CHUK: variants seen among roughly 807,000 people sequenced by gnomAD.
CHUK encodes inhibitor of nuclear factor kappa-B kinase subunit alpha.
Under a neutral mutation model 104.8 loss-of-function variants are expected in CHUK, and 35 were observed. The observed-to-expected ratio is 0.33, with a 90% CI of 0.26 to 0.44. The LOEUF (loss-of-function observed/expected upper bound fraction) is 0.44. Among genes scored for constraint, CHUK ranks in the 20% least tolerant of loss-of-function variants. The pLI, the probability that CHUK is intolerant of heterozygous loss-of-function variation, is 1.00. For synonymous variants in CHUK, 276 were observed against 291.9 expected (o/e 0.95, Z 0.56); for missense variants, 663 against 902.7 (o/e 0.73, Z 3.40).
chr10:100,209,123 CAGATTAAA>C (rs1845661267), intron 10 of CHUK, among the ~76,000 whole-genome samples: 1 of 152,204 alleles, frequency 6.6e-6, no homozygotes, highest in African/African-American at 2.4e-5. Context: ...ACCTCAGCTA[CAGATTAAA>C]AGAAGTTAAT....
chr10:100,196,396 T>TA (rs1356163501), intron 16 of CHUK, among the ~76,000 whole-genome samples: 5 of 151,380 alleles, frequency 3.3e-5, no homozygotes, highest in South Asian at 2.1e-4. Flanking sequence ...TTTTTTTTTT[T>TA]TTTTTTTTTA....
intron 16 of CHUK, among the ~76,000 whole-genome samples, chr10:100,198,262 T>C (rs1032856653): frequency 1.3e-5 from 2 of 152,214 alleles, no homozygotes; most frequent in East Asian, 3.8e-4. Flanking sequence ...GAAGTGGTTT[T>C]CCTTAAGACA....
chr10:100,193,611 T>G lies in CHUK; in HGVS notation c.1975-180A>C, dbSNP rs1269090912. 4 of 733,056 alleles carry G rather than the reference T, an allele frequency of 5.5e-6. No individual in the cohort carries two copies. In the Admixed American group the frequency reaches 9.4e-5, roughly 17 times the overall value. 45.4% of individuals were successfully genotyped at this position (733,056 alleles called of 1,614,324 possible). ...CATTAGTAACCTGTCCTTGGACCCTTTCTTCATTGACTAAAACCAAATATA... is the reference window on the plus strand; with the variant it reads ...CATTAGTAACCTGTCCTTGGACCCTGTCTTCATTGACTAAAACCAAATATA... On this transcript the variant is annotated intron_variant, in intron 18 of 20. Transcript: ENST00000370397.
In CHUK at chr10:100,210,323, G is replaced by A. The variant is rs1823625; in HGVS notation, c.934-534C>T. ...GGGATGGTCTCGATCTCCTGACCTC[G>A]TGATCCGCCCGCCTCGGCCTCCCAA... On this transcript the variant is annotated intron_variant, in intron 9 of 20. Transcript: ENST00000370397. Among the ~76,000 whole-genome samples, 737 of 151,872 alleles carry A rather than the reference G, an allele frequency of 4.9e-3. 5 individuals carry two copies. The highest frequency in any genetic ancestry group is 0.02 in the South Asian group (97 of 4,818).
At position 100,190,982 on chromosome 10, in the gene CHUK, G is replaced by A. The variant is rs779180293; in HGVS notation, c.2109-14C>T. 1.6e-5 allele frequency: 24 copies of A among 1,486,606 alleles called. No individual in the cohort carries two copies. The highest frequency in any genetic ancestry group is 3.5e-4 in the Middle Eastern group (2 of 5,790). The allele number at this position is 1,486,606 out of a possible 1,614,324, so 92.1% of individuals were successfully genotyped here. ...GCTGAAGTCTCCCTGTGAGATGAAA[G>A]AACAAAGCCTTTTCAAACTCAGGAA... On this transcript the variant is annotated splice_polypyrimidine_tract_variant and intron_variant, in intron 19 of 20. Coordinates refer to ENST00000370397, the MANE Select transcript of CHUK (RefSeq NM_001278.5).
intron 16 of CHUK, among the ~76,000 whole-genome samples, chr10:100,197,020 A>G (rs1845348900): frequency 6.6e-6 from 1 of 152,162 alleles, no homozygotes; most frequent in South Asian, 2.1e-4. Flanking sequence ...CCCTGAGCAT[A>G]TGTTCTGAGA....
chr10:100,199,820 T>TTA, intron 16 of CHUK, 151 bp downstream of exon 16: 2 of 682,660 alleles, frequency 2.9e-6, no homozygotes. Flanking sequence ...TTAAAGCTTA[T>TTA]TATACCATGT....
intron 2 of CHUK, among the ~76,000 whole-genome samples, chr10:100,223,580 C>A (rs1846037752): frequency 6.6e-6 from 1 of 151,312 alleles, no homozygotes; most frequent in Non-Finnish European, 1.5e-5. Flanking sequence ...CAAGTCAAGC[C>A]TGGGTAACAT....
chr10:100,226,101 CA>C (rs1292460886), intron 1 of CHUK, 84 bp from the exon 2 acceptor site: 1 of 829,572 alleles, frequency 1.2e-6, no homozygotes, highest in African/African-American at 1.7e-5. Context: ...CTTAAGACAA[CA>C]AAACTTTTTA....
At chr10:100,224,373 A>C (rs1846058129) in intron 2 of CHUK, among the ~76,000 whole-genome samples, 1 of 152,170 alleles carries the variant, frequency 6.6e-6, no homozygotes, top group Non-Finnish European at 1.5e-5. Context: ...CCAAATTCCT[A>C]AGTCACAGAA....
chr10:100,186,348 T>C (rs1844993306), downstream of CHUK: 1 of 283,804 alleles, frequency 3.5e-6, no homozygotes, highest in African/African-American at 2.2e-5. Flanking sequence ...ATTTGTCCTT[T>C]TGCAGTGTAT....
chr10:100,211,809 T>C (rs1845734870), intron 9 of CHUK, among the ~76,000 whole-genome samples: 1 of 152,210 alleles, frequency 6.6e-6, no homozygotes, highest in South Asian at 2.1e-4. Flanking sequence ...TGCAAATATC[T>C]CTTCACAAGC....
Position 100,207,324 on chromosome 10 carries a change from A to G in CHUK, c.1137T>C (p.Cys379=). 2 of 1,454,944 alleles carry G rather than the reference A, an allele frequency of 1.4e-6. No individual in the cohort carries two copies. Among genetic ancestry groups the G allele is most frequent in the South Asian group, 2.3e-5 (2 of 87,830 alleles). The allele number at this position is 1,454,944 out of a possible 1,614,324, so 90.1% of individuals were successfully genotyped here. A position where few individuals can be genotyped will look rare whatever the true frequency, so the allele number is the denominator to read the frequency against. The change falls in exon 11 of 21, where the codon TGT becomes TGC. Residue 379 remains cysteine, a synonymous_variant. Transcript: ENST00000370397. ...SQCVLDGVRG[C]DSYMVYLFDK... Reference sequence around the variant, plus strand: ...CAAACAAATAAACCATATAGCTATCACAGCCTCTCTGAAAAAGAAACAAAC... The same window carrying G: ...CAAACAAATAAACCATATAGCTATCGCAGCCTCTCTGAAAAAGAAACAAAC...
intron 1 of CHUK, among the ~76,000 whole-genome samples, chr10:100,228,623 C>T (rs1464353984): frequency 2.0e-5 from 3 of 152,174 alleles, no homozygotes. Context: ...GCCCTGCATT[C>T]CAGCCTGGGC....
At chr10:100,218,359 G>A (rs1344458592) in intron 8 of CHUK, among the ~76,000 whole-genome samples, 1 of 152,126 alleles carries the variant, frequency 6.6e-6, no homozygotes, top group East Asian at 1.9e-4. Flanking sequence ...TGACGGATGA[G>A]TCCAAATCCA....
At chr10:100,208,698 A>G (rs1045352090) in intron 10 of CHUK, among the ~76,000 whole-genome samples, 4 of 151,916 alleles carry the variant, frequency 2.6e-5, no homozygotes, top group African/African-American at 9.7e-5. Flanking sequence ...GGCAGGGAGA[A>G]TCACTTGAAC....
intron 19 of CHUK, chr10:100,193,057 AAGCACTTTATATAC>A (rs1020080442): frequency 1.1e-5 from 6 of 525,266 alleles, no homozygotes; most frequent in Non-Finnish European, 1.7e-5. Context: ...TTTATTTCCC[AAGCACTTTATATAC>A]ATTGTCTAAT....
intron 13 of CHUK, among the ~76,000 whole-genome samples, chr10:100,203,768 A>C (rs1165094632): frequency 6.6e-6 from 1 of 152,194 alleles, no homozygotes; most frequent in Admixed American, 6.5e-5. Context: ...AGGACTCCAC[A>C]GTAGATGGTT....
chr10:100,205,627 G>A (rs1181712974), intron 11 of CHUK, among the ~76,000 whole-genome samples: 1 of 152,086 alleles, frequency 6.6e-6, no homozygotes, highest in Non-Finnish European at 1.5e-5. Context: ...AACAATCCAG[G>A]TTTAAGAATA....
Sources: allele counts gnomAD v4.1 joint callset (sites outside exome capture counted in the v4.1 genomes callset), GRCh38; gene constraint gnomAD v4.1.1; transcripts MANE v1.5; gene names NCBI Gene and HGNC (gene_info 2026-07-23, HGNC 2026-07-21).